The following CCDC91 variants were observed in gnomAD, a reference collection of about 807,000 sequenced individuals.
CCDC91 encodes coiled-coil domain-containing protein 91.
CCDC91 carries 48 observed loss-of-function variants against 63.2 expected under a neutral mutation model. That is an observed-to-expected ratio of 0.76 (90% CI 0.60 to 0.97). CCDC91 has a LOEUF of 0.97. CCDC91 is among the 50% of genes least tolerant of loss of function. The probability of loss-of-function intolerance (pLI) is 0.00; values close to 1 mark genes in which losing one functional copy is unlikely to be tolerated. For missense variants in CCDC91, 500 were observed against 494.6 expected (o/e 1.01, Z -0.10); for synonymous variants, 167 against 165.8 (o/e 1.01, Z -0.06).
At chr12:28,434,526 T>A (rs966955589) in intron 8 of CCDC91, among the ~76,000 whole-genome samples, 3 of 151,158 alleles carry the variant, frequency 2.0e-5, no homozygotes, top group Non-Finnish European at 4.4e-5. Context: ...TCCAATTAAT[T>A]TGCTAATTTT....
chr12:28,232,327 A>C (rs1472728666), intron 1 of CCDC91, among the ~76,000 whole-genome samples: 1 of 152,046 alleles, frequency 6.6e-6, no homozygotes. Flanking sequence ...TTTACTTAAA[A>C]ATTTTTTTTT....
At chr12:28,393,997 G>A (rs1592534917) in intron 8 of CCDC91, among the ~76,000 whole-genome samples, 1 of 152,108 alleles carries the variant, frequency 6.6e-6, no homozygotes, top group South Asian at 2.1e-4. Flanking sequence ...TTTAACCAAG[G>A]TGATAAGAAA....
intron 3 of CCDC91, chr12:28,268,619 G>T: frequency 1.0e-6 from 1 of 981,212 alleles, no homozygotes; most frequent in Non-Finnish European, 1.2e-6. Context: ...TAGAATGAGG[G>T]CTCCATTATT....
At chr12:28,422,376 AT>A (rs747808705) in intron 8 of CCDC91, among the ~76,000 whole-genome samples, 1 of 152,018 alleles carries the variant, frequency 6.6e-6, no homozygotes. Context: ...AATTAATGGC[AT>A]TTAATACTAT....
chr12:28,332,481 A>G (rs2137709772), intron 6 of CCDC91, among the ~76,000 whole-genome samples: 1 of 152,338 alleles, frequency 6.6e-6, no homozygotes, highest in African/African-American at 2.4e-5. Context: ...GATGATTAGA[A>G]AACACTACTT....
intron 7 of CCDC91, among the ~76,000 whole-genome samples, chr12:28,367,475 T>C (rs558722693): frequency 1.3e-5 from 2 of 152,172 alleles, no homozygotes; most frequent in South Asian, 4.2e-4. Flanking sequence ...AACAAATGAA[T>C]AGGGGTTTAG....
At chr12:28,324,965 C>CT (rs1264078816) in intron 6 of CCDC91, among the ~76,000 whole-genome samples, 1 of 151,726 alleles carries the variant, frequency 6.6e-6, no homozygotes, top group African/African-American at 2.4e-5. Flanking sequence ...ACGAATGTCA[C>CT]TTGGAAGCAT....
chr12:28,202,515 C>T (rs1240979192), intron 1 of CCDC91, among the ~76,000 whole-genome samples: 1 of 152,212 alleles, frequency 6.6e-6, no homozygotes, highest in Non-Finnish European at 1.5e-5. Flanking sequence ...AAAGTCTCTG[C>T]ATGGTTAGTA....
intron 11 of CCDC91, among the ~76,000 whole-genome samples, chr12:28,471,858 T>C (rs537042236): frequency 1.4e-4 from 21 of 151,962 alleles, no homozygotes; most frequent in African/African-American, 5.1e-4. Flanking sequence ...CAAGCAATTC[T>C]CGTACCTCAG....
intron 8 of CCDC91, among the ~76,000 whole-genome samples, chr12:28,393,089 GT>G (rs1040917249): frequency 6.6e-6 from 1 of 151,982 alleles, no homozygotes; most frequent in Admixed American, 6.6e-5. Context: ...TCTTTTCAGA[GT>G]TTTTTTTGAC....
intron 8 of CCDC91, among the ~76,000 whole-genome samples, chr12:28,422,237 A>T (rs1422755912): frequency 2.6e-5 from 4 of 152,178 alleles, no homozygotes; most frequent in Non-Finnish European, 5.9e-5. Flanking sequence ...TGGCTTTCTT[A>T]TACAATTCAA....
intron 12 of CCDC91, among the ~76,000 whole-genome samples, chr12:28,495,972 C>T (rs1219743952): frequency 6.6e-6 from 1 of 151,632 alleles, no homozygotes; most frequent in East Asian, 1.9e-4. Context: ...TCGACCCTTA[C>T]AGAACCAGGT....
At chr12:28,504,852 C>T (rs1334534579) in intron 12 of CCDC91, among the ~76,000 whole-genome samples, 1 of 151,952 alleles carries the variant, frequency 6.6e-6, no homozygotes, top group East Asian at 1.9e-4. Context: ...AGAACAGTTT[C>T]TCTGTAGTTA....
intron 1 of CCDC91, among the ~76,000 whole-genome samples, chr12:28,227,593 G>T (rs558495505): frequency 6.6e-6 from 1 of 151,730 alleles, no homozygotes; most frequent in Non-Finnish European, 1.5e-5. Flanking sequence ...ATGCCTTTTT[G>T]TACCCAAACT....
intron 6 of CCDC91, among the ~76,000 whole-genome samples, chr12:28,339,596 G>T (rs940616841): frequency 1.3e-5 from 2 of 151,952 alleles, no homozygotes; most frequent in Admixed American, 6.6e-5. Context: ...ATTTTGTTAG[G>T]TATAATAAAT....
chr12:28,194,746 T>A (rs4573721), intron 1 of CCDC91, among the ~76,000 whole-genome samples: 39,241 of 151,290 alleles, frequency 0.26, 5,317 homozygotes, highest in Non-Finnish European at 0.31. Flanking sequence ...GAGTTGTTTG[T>A]TCCTCCCAGT....
chr12:28,361,616 G>A (rs1382374925), intron 6 of CCDC91, among the ~76,000 whole-genome samples: 1 of 149,426 alleles, frequency 6.7e-6, no homozygotes, highest in Non-Finnish European at 1.5e-5. Flanking sequence ...TTCTGTTTCC[G>A]GCTCTCTTTC....
At chr12:28,350,235 A>G (rs1240120611) in intron 6 of CCDC91, among the ~76,000 whole-genome samples, 3 of 152,144 alleles carry the variant, frequency 2.0e-5, no homozygotes, top group Non-Finnish European at 4.4e-5. Flanking sequence ...CAGCAACAGT[A>G]GGTACCTATG....
At chr12:28,283,940 G>A (rs1479827273) in intron 3 of CCDC91, among the ~76,000 whole-genome samples, 1 of 152,102 alleles carries the variant, frequency 6.6e-6, no homozygotes, top group Non-Finnish European at 1.5e-5. Flanking sequence ...TTTAGTGGGG[G>A]TATGTTTGTC....
Sources: allele counts gnomAD v4.1 joint callset (sites outside exome capture counted in the v4.1 genomes callset), GRCh38; gene constraint gnomAD v4.1.1; transcripts MANE v1.5; gene names NCBI Gene and HGNC (gene_info 2026-07-23, HGNC 2026-07-21).